Variants in SLC25A36 observed in about 807,000 individuals in gnomAD.
The protein encoded by SLC25A36 is solute carrier family 25 member 36, also known as epididymis secretory sperm binding protein.
A neutral mutation model predicts 35.3 loss-of-function variants in SLC25A36; 24 were observed. The observed-to-expected ratio is 0.68, with a 90% CI of 0.49 to 0.96. The LOEUF is 0.96. Among genes scored for constraint, SLC25A36 ranks in the 40% least tolerant of loss-of-function variants. The probability of loss-of-function intolerance (pLI) is 0.00; values close to 1 mark genes in which losing one functional copy is unlikely to be tolerated. For synonymous variants in SLC25A36, 141 were observed against 132.2 expected, an observed-to-expected ratio of 1.07 and a Z score of -0.46; for missense variants, 294 against 381.1, an observed-to-expected ratio of 0.77 and a Z score of 1.90.
At position 140,963,175 on chromosome 3, in the gene SLC25A36, T is replaced by G; in HGVS notation, c.333T>G (p.Asp111Glu). The G allele has an allele frequency of 1.3e-6, 2 of 1,598,310 alleles. No homozygotes were observed. The highest frequency in any genetic ancestry group is 8.5e-7 in the Non-Finnish European group (1 of 1,176,280). The stretch of plus-strand genomic sequence containing the variant: ...CAAACTGCAAGGAAAAGTTGAATGA[T>G]GTATTTGATCCTGATTCTACCCAAG... ...AYSNCKEKLNDVFDPDSTQVH... is the reference protein window; with the variant it reads ...AYSNCKEKLNEVFDPDSTQVH... Residue 111 changes from aspartate to glutamate, a missense_variant, in exon 4 of 7, where the codon GAT becomes GAG. Asp to Glu is a conservative substitution (Grantham distance 45). Coordinates refer to ENST00000324194, the MANE Select transcript of SLC25A36 (RefSeq NM_001104647.3).
Position 140,977,839 on chromosome 3 carries a change from T to C in SLC25A36, c.*1386T>C, listed in dbSNP as rs1157350585. The stretch of plus-strand genomic sequence containing the variant: ...TGAACTGTACATTTTGTGCAATGGC[T>C]TTATCTAAAAGAATGACGCTTCGTG... On this transcript the variant is annotated 3_prime_UTR_variant, in exon 7 of 7. Transcript: ENST00000324194. 6.6e-6 allele frequency: 1 copy of C among 152,066 alleles called. No individual in the cohort carries two copies. The highest frequency in any genetic ancestry group is 2.4e-5 in the African/African-American group (1 of 41,396). 9.4% of individuals were successfully genotyped at this position (152,066 alleles called of 1,614,324 possible).
intron 1 of SLC25A36, among the ~76,000 whole-genome samples, chr3:140,955,213 A>T (rs991723840): frequency 6.6e-6 from 1 of 152,020 alleles, no homozygotes; most frequent in Non-Finnish European, 1.5e-5. Context: ...ATTCGGAGTG[A>T]TATTAACATT....
intron 1 of SLC25A36, among the ~76,000 whole-genome samples, chr3:140,955,968 G>T (rs1225889195): frequency 6.6e-6 from 1 of 152,166 alleles, no homozygotes; most frequent in East Asian, 1.9e-4. Context: ...GGGATTACAT[G>T]TGTGAGCCAT....
intron 5 of SLC25A36, among the ~76,000 whole-genome samples, chr3:140,971,691 G>T (rs868067961): frequency 1.3e-5 from 2 of 152,114 alleles, no homozygotes; most frequent in South Asian, 4.1e-4. Context: ...AAGCAGTGCT[G>T]CGTAGGGTCT....
chr3:140,957,594 A>G (rs1280624200), intron 2 of SLC25A36, among the ~76,000 whole-genome samples: 1 of 152,144 alleles, frequency 6.6e-6, no homozygotes, highest in East Asian at 1.9e-4. Context: ...ATACAAAATT[A>G]GCCAGGTGTG....
At position 140,977,443 on chromosome 3, in the gene SLC25A36, T is replaced by C. The variant is rs1935076269; in HGVS notation, c.*990T>C. 2 of 151,426 alleles carry C rather than the reference T, an allele frequency of 1.3e-5. No homozygotes were observed. The highest frequency in any genetic ancestry group is 2.9e-5 in the Non-Finnish European group (2 of 67,938). 9.4% of individuals were successfully genotyped at this position (151,426 alleles called of 1,614,324 possible). ...AAGTTTTGCCATTTTAAGGTGACAA[T>C]ATTTGGGACAGTATAAATATTATAG... On this transcript the variant is annotated 3_prime_UTR_variant, in exon 7 of 7. Coordinates refer to ENST00000324194, the MANE Select transcript of SLC25A36 (RefSeq NM_001104647.3).
Position 140,963,233 on chromosome 3 carries a change from A to C in SLC25A36, c.385+6A>C, listed in dbSNP as rs1424950714. 9.9e-6 allele frequency: 15 copies of C among 1,509,566 alleles called. No homozygotes were observed. Among genetic ancestry groups the C allele is most frequent in the African/African-American group, 1.4e-5 (1 of 70,432 alleles). The allele number at this position is 1,509,566 out of a possible 1,614,324, so 93.5% of individuals were successfully genotyped here. The stretch of plus-strand genomic sequence containing the variant: ...GATTTCAGCTGCAATGGCAGGTATG[A>C]ATGTATAATATTAAAAAAAAAAAAA... On this transcript the variant is annotated splice_donor_region_variant and intron_variant, in intron 4 of 6. Coordinates refer to ENST00000324194, the MANE Select transcript of SLC25A36 (RefSeq NM_001104647.3).
chr3:140,955,999 GTA>G (rs1934469856), intron 1 of SLC25A36, among the ~76,000 whole-genome samples: 1 of 152,156 alleles, frequency 6.6e-6, no homozygotes, highest in Non-Finnish European at 1.5e-5. Context: ...CTCAAATGCT[GTA>G]TTTTTTTGTA....
At chr3:140,959,102 G>A (rs758021271) in intron 2 of SLC25A36, among the ~76,000 whole-genome samples, 4 of 148,018 alleles carry the variant, frequency 2.7e-5, no homozygotes, top group Admixed American at 6.8e-5. Flanking sequence ...TGCAATCTCC[G>A]CCTTCCAAAT....
chr3:140,963,748 C>T (rs1934691118), intron 4 of SLC25A36: 1 of 153,492 alleles, frequency 6.5e-6, no homozygotes. Flanking sequence ...TATTATTCTA[C>T]ATAATTCACA....
chr3:140,948,777 T>C (rs1041584057), intron 1 of SLC25A36, among the ~76,000 whole-genome samples: 7 of 152,216 alleles, frequency 4.6e-5, no homozygotes, highest in Non-Finnish European at 8.8e-5. Flanking sequence ...CCTTGGATTT[T>C]TTCCAGTCCT....
At chr3:140,945,714 G>A (rs1314879410) in intron 1 of SLC25A36, among the ~76,000 whole-genome samples, 2 of 148,636 alleles carry the variant, frequency 1.3e-5, no homozygotes, top group South Asian at 2.1e-4. Context: ...TGTAGTCATC[G>A]TATTCACCTC....
At chr3:140,973,591 G>T (rs1458225918) in intron 5 of SLC25A36, 125 bp from the exon 6 acceptor site, 2 of 725,204 alleles carry the variant, frequency 2.8e-6, no homozygotes, top group African/African-American at 3.6e-5. Flanking sequence ...TATGAATATT[G>T]TTTTAAAATT....
At chr3:140,967,085 A>C (rs1490381170) in intron 4 of SLC25A36, 1 of 453,204 alleles carries the variant, frequency 2.2e-6, no homozygotes, top group African/African-American at 2.0e-5. Flanking sequence ...TAAGAAACCC[A>C]CCCTGGGATT....
chr3:140,976,992 A>G lies in SLC25A36; in HGVS notation c.*539A>G, dbSNP rs914517369. ...TTTGACAACCAATGAAATAGCGTCT[A>G]AATATCTTGTATATTTTTTAGCATC... On this transcript the variant is annotated 3_prime_UTR_variant, in exon 7 of 7. Transcript: ENST00000324194. 1.3e-5 allele frequency: 2 copies of G among 152,260 alleles called. No homozygotes were observed. The highest frequency in any genetic ancestry group is 2.9e-5 in the Non-Finnish European group (2 of 68,072). 9.4% of individuals were successfully genotyped at this position (152,260 alleles called of 1,614,324 possible).
intron 1 of SLC25A36, among the ~76,000 whole-genome samples, chr3:140,955,144 G>A (rs1934445682): frequency 6.6e-6 from 1 of 151,812 alleles, no homozygotes. Context: ...TTTCTTTGTG[G>A]CATATACTAA....
intron 1 of SLC25A36, among the ~76,000 whole-genome samples, chr3:140,944,037 C>T (rs1049172294): frequency 1.3e-5 from 2 of 151,932 alleles, no homozygotes; most frequent in Non-Finnish European, 2.9e-5. Context: ...GGTGCTCAGC[C>T]GTATAATTTC....
At chr3:140,971,028 TG>T in intron 5 of SLC25A36, 35 bp downstream of exon 5, 1 of 858,582 alleles carries the variant, frequency 1.2e-6, no homozygotes, top group Non-Finnish European at 2.0e-6. Flanking sequence ...TTGGTTAAAG[TG>T]GATTTAACTA....
intron 4 of SLC25A36, chr3:140,968,137 G>T: frequency 1.0e-6 from 1 of 971,736 alleles, no homozygotes; most frequent in Non-Finnish European, 1.2e-6. Context: ...TTTTCCATTG[G>T]CTTCATTTCT....
Sources: gnomAD v4.1 joint callset for allele counts (sites outside exome capture counted in the v4.1 genomes callset) on GRCh38, gnomAD v4.1.1 for gene constraint, MANE v1.5 for transcripts, NCBI Gene and HGNC (gene_info 2026-07-23, HGNC 2026-07-21) for gene names.